The following KHDC1 variants were observed in gnomAD, a reference collection of about 807,000 sequenced individuals.
The protein encoded by KHDC1 is KH domain containing 1.
In KHDC1, 21 loss-of-function variants were observed where a neutral mutation model predicts 24.7. The ratio of observed to expected loss-of-function variants is 0.85; its 90% confidence interval spans 0.60 to 1.23. The LOEUF is 1.23. Ranked by LOEUF, KHDC1 falls within the 50% of genes most tolerant of loss-of-function variation. The pLI, the probability that KHDC1 is intolerant of heterozygous loss-of-function variation, is 0.00. For synonymous variants in KHDC1, 98 were observed against 111.7 expected (o/e 0.88, Z 0.77); for missense variants, 274 against 298.5 (o/e 0.92, Z 0.61).
At chr6:73,272,774 C>CTG (rs1206547623) in intron 2 of KHDC1, among the ~76,000 whole-genome samples, 11 of 150,648 alleles carry the variant, frequency 7.3e-5, no homozygotes, top group South Asian at 2.1e-4. Flanking sequence ...AGACTCCATC[C>CTG]CGGGGGGGAA....
intron 2 of KHDC1, among the ~76,000 whole-genome samples, chr6:73,245,546 G>C (rs1766650436): frequency 6.6e-6 from 1 of 152,136 alleles, no homozygotes. Context: ...TGAATCCCAG[G>C]AGGAGTTGCT....
intron 2 of KHDC1, among the ~76,000 whole-genome samples, chr6:73,267,231 G>A (rs944201898): frequency 5.3e-5 from 8 of 152,162 alleles, no homozygotes; most frequent in African/African-American, 1.7e-4. Context: ...TGTAATCCCA[G>A]CACTCTAGGA....
intron 1 of KHDC1, among the ~76,000 whole-genome samples, chr6:73,302,512 A>G (rs1354916269): frequency 6.6e-6 from 1 of 152,204 alleles, no homozygotes; most frequent in African/African-American, 2.4e-5. Flanking sequence ...TGTATGGCAT[A>G]TTATACAACT....
intron 2 of KHDC1, among the ~76,000 whole-genome samples, chr6:73,289,392 G>A (rs113408604): frequency 0.014 from 1,954 of 144,344 alleles, 39 homozygotes; most frequent in African/African-American, 0.047. Context: ...AGTGGCTCCT[G>A]TAATCCCAGC....
chr6:73,253,284 G>A (rs1019609501), intron 2 of KHDC1, among the ~76,000 whole-genome samples: 1 of 152,210 alleles, frequency 6.6e-6, no homozygotes, highest in East Asian at 1.9e-4. Context: ...TGCCGGGTAC[G>A]GTGGCTCACG....
intron 2 of KHDC1, among the ~76,000 whole-genome samples, chr6:73,290,106 C>A (rs1338686109): frequency 1.8e-3 from 155 of 86,396 alleles, no homozygotes; most frequent in African/African-American, 2.6e-3. Context: ...GACTCCGTCT[C>A]AAAAAAAAAA....
intron 2 of KHDC1, among the ~76,000 whole-genome samples, chr6:73,273,730 A>G (rs1475913940): frequency 6.6e-6 from 1 of 151,934 alleles, no homozygotes; most frequent in Non-Finnish European, 1.5e-5. Flanking sequence ...GAGGCAGGAG[A>G]ATGGCGTGAA....
intron 1 of KHDC1, among the ~76,000 whole-genome samples, chr6:73,306,964 G>C (rs1272903775): frequency 6.6e-6 from 1 of 152,144 alleles, no homozygotes; most frequent in Non-Finnish European, 1.5e-5. Context: ...AGTTGAGATT[G>C]TGCCACTGCA....
chr6:73,299,258 G>C (rs16883555), intron 1 of KHDC1: 10,116 of 152,390 alleles, frequency 0.066, 356 homozygotes, highest in East Asian at 0.13. Flanking sequence ...TTCAGGAGAA[G>C]AATCCCTGGC....
chr6:73,296,776 C>A (rs971473208), intron 1 of KHDC1, among the ~76,000 whole-genome samples: 1 of 152,090 alleles, frequency 6.6e-6, no homozygotes, highest in Non-Finnish European at 1.5e-5. Flanking sequence ...TATGCCTTTA[C>A]GAATTATTTT....
chr6:73,309,720 G>T, exon 1 of KHDC1: 1 of 1,549,888 alleles, frequency 6.5e-7, no homozygotes, highest in Non-Finnish European at 8.7e-7. Flanking sequence ...AGCATTTCGC[G>T]TTTCTGGCCT....
In KHDC1 at chr6:73,281,946, G is replaced by A. The variant is rs149938159; in HGVS notation, c.206+10052C>T. On this transcript the variant is annotated intron_variant, in intron 2 of 4. Coordinates refer to ENST00000370384, the Ensembl canonical transcript of KHDC1. ...TAAGATGCCACTCTAGGCCAGGTCC[G>A]GTGGCTCACGCCTGTAATCCCTGCA... 7.4e-3 allele frequency among the ~76,000 whole-genome samples: 1,123 copies of A among 151,716 alleles called. 11 individuals carry two copies. The highest frequency in any genetic ancestry group is 0.011 in the Non-Finnish European group (761 of 67,904).
intron 2 of KHDC1, among the ~76,000 whole-genome samples, chr6:73,256,452 T>G (rs1387758324): frequency 6.6e-6 from 1 of 152,238 alleles, no homozygotes; most frequent in Non-Finnish European, 1.5e-5. Context: ...CTTTATAGAC[T>G]CGCTCCAGGT....
intron 2 of KHDC1, among the ~76,000 whole-genome samples, chr6:73,285,288 C>T (rs146826900): frequency 6.6e-6 from 1 of 152,066 alleles, no homozygotes; most frequent in African/African-American, 2.4e-5. Flanking sequence ...CAGGTTGACT[C>T]TGCTGATTTG....
intron 2 of KHDC1, among the ~76,000 whole-genome samples, chr6:73,251,606 A>C (rs570202861): frequency 6.6e-6 from 1 of 152,304 alleles, no homozygotes; most frequent in East Asian, 1.9e-4. Flanking sequence ...GAAAATATAA[A>C]CATAAAAAGA....
At chr6:73,246,829 G>C (rs1311872071) in intron 2 of KHDC1, among the ~76,000 whole-genome samples, 1 of 151,968 alleles carries the variant, frequency 6.6e-6, no homozygotes, top group South Asian at 2.1e-4. Flanking sequence ...AAGCAAACCT[G>C]AATATTCCTT....
At chr6:73,271,849 C>T (rs1767185125) in intron 2 of KHDC1, among the ~76,000 whole-genome samples, 1 of 151,342 alleles carries the variant, frequency 6.6e-6, no homozygotes, top group African/African-American at 2.4e-5. Flanking sequence ...GAGCTGAGAT[C>T]GTGCCACTGC....
At chr6:73,302,457 A>C (rs1767894092) in intron 1 of KHDC1, among the ~76,000 whole-genome samples, 1 of 152,220 alleles carries the variant, frequency 6.6e-6, no homozygotes, top group African/African-American at 2.4e-5. Context: ...CCTACTATAC[A>C]CCCAAGCTAT....
chr6:73,282,275 G>T (rs922595925), intron 2 of KHDC1, among the ~76,000 whole-genome samples: 3 of 150,482 alleles, frequency 2.0e-5, no homozygotes, highest in African/African-American at 4.9e-5. Flanking sequence ...CTCATGATTA[G>T]ACTGGGATTA....
Sources: gnomAD v4.1 joint callset for allele counts (sites outside exome capture counted in the v4.1 genomes callset) on GRCh38, gnomAD v4.1.1 for gene constraint, MANE v1.5 for transcripts, NCBI Gene and HGNC (gene_info 2026-07-23, HGNC 2026-07-21) for gene names.